GRM8: variants seen among roughly 807,000 people sequenced by gnomAD.
GRM8 encodes glutamate metabotropic receptor 8.
GRM8 carries 47 observed loss-of-function variants against 87.2 expected under a neutral mutation model. The ratio of observed to expected loss-of-function variants is 0.54; its 90% CI spans 0.43 to 0.69. The LOEUF is 0.69. Ranked by LOEUF, GRM8 falls within the 30% of genes least tolerant of loss-of-function variation. The pLI is 0.00. For synonymous variants in GRM8, 396 were observed against 404.5 expected, an observed-to-expected ratio of 0.98 and a Z score of 0.25; for missense variants, 1,019 against 1,139.2, an observed-to-expected ratio of 0.89 and a Z score of 1.52.
chr7:127,122,286 G>A (rs28433442), intron 2 of GRM8, among the ~76,000 whole-genome samples: 2,288 of 152,222 alleles, frequency 0.015, 60 homozygotes, highest in African/African-American at 0.051. Context: ...CATTTTCGGT[G>A]CTTAAATGAA....
chr7:126,831,468 A>C (rs911763819), intron 6 of GRM8, among the ~76,000 whole-genome samples: 1 of 152,208 alleles, frequency 6.6e-6, no homozygotes, highest in Non-Finnish European at 1.5e-5. Context: ...TGTGCTAGCA[A>C]TGAGAGAGAC....
chr7:126,529,792 C>T (rs1422969836), intron 9 of GRM8, among the ~76,000 whole-genome samples: 2 of 152,120 alleles, frequency 1.3e-5, no homozygotes, highest in African/African-American at 2.4e-5. Context: ...GATACTTCTC[C>T]TGACTATTAA....
At chr7:127,199,801 T>C (rs1450100247) in intron 2 of GRM8, among the ~76,000 whole-genome samples, 1 of 152,202 alleles carries the variant, frequency 6.6e-6, no homozygotes, top group Non-Finnish European at 1.5e-5. Flanking sequence ...AACACGATGA[T>C]GGCAGTGCCT....
intron 6 of GRM8, among the ~76,000 whole-genome samples, chr7:126,784,929 C>T (rs1257233274): frequency 5.3e-5 from 8 of 152,122 alleles, no homozygotes; most frequent in Non-Finnish European, 7.4e-5. Flanking sequence ...AAGATATAAA[C>T]GTGTTACCAG....
intron 2 of GRM8, among the ~76,000 whole-genome samples, chr7:127,171,700 C>T (rs1339675349): frequency 6.6e-6 from 1 of 152,152 alleles, no homozygotes; most frequent in African/African-American, 2.4e-5. Flanking sequence ...GTAAACATAA[C>T]TTTTATATAA....
intron 9 of GRM8, among the ~76,000 whole-genome samples, chr7:126,532,554 C>T (rs954649441): frequency 2.6e-5 from 4 of 151,822 alleles, no homozygotes; most frequent in African/African-American, 9.7e-5. Flanking sequence ...CCCTGTGAAC[C>T]ATGTCTGCCC....
intron 8 of GRM8, among the ~76,000 whole-genome samples, chr7:126,537,037 T>C (rs1052260691): frequency 3.3e-5 from 5 of 152,202 alleles, no homozygotes; most frequent in African/African-American, 1.2e-4. Context: ...AGGATAACTA[T>C]TTATCATTAT....
At chr7:127,113,122 CT>C (rs1258048749) in intron 2 of GRM8, among the ~76,000 whole-genome samples, 9 of 152,160 alleles carry the variant, frequency 5.9e-5, no homozygotes, top group Non-Finnish European at 1.5e-5. Flanking sequence ...ACCAGAAATA[CT>C]TTTTGTGGCC....
intron 3 of GRM8, among the ~76,000 whole-genome samples, chr7:126,910,151 T>C (rs970117467): frequency 3.9e-5 from 6 of 152,180 alleles, no homozygotes; most frequent in Non-Finnish European, 7.4e-5. Flanking sequence ...TTCTTCAGCA[T>C]ATAGCCAGTC....
At chr7:126,872,321 G>A (rs1799170952) in intron 6 of GRM8, among the ~76,000 whole-genome samples, 1 of 152,030 alleles carries the variant, frequency 6.6e-6, no homozygotes, top group African/African-American at 2.4e-5. Context: ...AGAAGCTGGA[G>A]GACACATGCT....
chr7:126,980,271 A>C (rs910604714), intron 3 of GRM8, among the ~76,000 whole-genome samples: 6 of 134,310 alleles, frequency 4.5e-5, no homozygotes, highest in African/African-American at 1.8e-4. Flanking sequence ...TGGAGCTTAC[A>C]TTCTGGTCAG....
chr7:126,725,898 G>T (rs73449097), intron 7 of GRM8, among the ~76,000 whole-genome samples: 1 of 152,116 alleles, frequency 6.6e-6, no homozygotes, highest in Non-Finnish European at 1.5e-5. Context: ...ACTCAAGAGC[G>T]AGAGCTCACG....
At chr7:127,191,797 C>T (rs1276806746) in intron 2 of GRM8, among the ~76,000 whole-genome samples, 1 of 152,134 alleles carries the variant, frequency 6.6e-6, no homozygotes. Context: ...ATAATCTCTG[C>T]TGTAATATGA....
intron 7 of GRM8, among the ~76,000 whole-genome samples, chr7:126,758,630 A>ACATT (rs1817268136): frequency 1.3e-5 from 2 of 152,332 alleles, no homozygotes; most frequent in South Asian, 4.1e-4. Context: ...CACACAATAG[A>ACATT]CATTTAATGA....
chr7:127,088,384 GC>G (rs1210542033), intron 3 of GRM8, among the ~76,000 whole-genome samples: 3 of 152,228 alleles, frequency 2.0e-5, no homozygotes, highest in Admixed American at 6.5e-5. Flanking sequence ...AGAATGGAGA[GC>G]CTTTACAAAG....
intron 9 of GRM8, among the ~76,000 whole-genome samples, chr7:126,473,282 C>G (rs552268781): frequency 6.6e-6 from 1 of 152,306 alleles, no homozygotes; most frequent in Non-Finnish European, 1.5e-5. Flanking sequence ...AGGGACAAAA[C>G]TACCCAAGAC....
chr7:126,478,309 G>T (rs937371670), intron 9 of GRM8, among the ~76,000 whole-genome samples: 1 of 152,032 alleles, frequency 6.6e-6, no homozygotes, highest in African/African-American at 2.4e-5. Context: ...TTTTAAGTAT[G>T]TATGCATATT....
chr7:126,645,167 A>G (rs1802897783), intron 7 of GRM8, among the ~76,000 whole-genome samples: 1 of 152,242 alleles, frequency 6.6e-6, no homozygotes, highest in Non-Finnish European at 1.5e-5. Flanking sequence ...GGCCACAAGA[A>G]TAGGATTATG....
intron 9 of GRM8, among the ~76,000 whole-genome samples, chr7:126,466,505 G>A (rs1804517294): frequency 6.6e-6 from 1 of 151,866 alleles, no homozygotes; most frequent in Admixed American, 6.6e-5. Context: ...TATATATTAT[G>A]GAAATTGGCT....
Sources: allele counts gnomAD v4.1 joint callset (sites outside exome capture counted in the v4.1 genomes callset), GRCh38; gene constraint gnomAD v4.1.1; transcripts MANE v1.5; gene names NCBI Gene and HGNC (gene_info 2026-07-23, HGNC 2026-07-21).